The following LOXL2 variants were observed in gnomAD, a reference collection of about 807,000 sequenced individuals.
LOXL2 encodes lysyl oxidase homolog 2.
Under a neutral mutation model 93.0 loss-of-function variants are expected in LOXL2, and 70 were observed. The observed-to-expected ratio is 0.75, with a 90% CI of 0.62 to 0.92. The LOEUF (loss-of-function observed/expected upper bound fraction) is 0.92. Among genes scored for constraint, LOXL2 ranks in the 40% least tolerant of loss-of-function variants. The pLI is 0.00. For synonymous variants in LOXL2, 438 were observed against 413.2 expected, an observed-to-expected ratio of 1.06 and a Z score of -0.73; for missense variants, 973 against 1,054.9, an observed-to-expected ratio of 0.92 and a Z score of 1.08.
chr8:23,320,170 T>A lies in LOXL2; in HGVS notation c.1303-118A>T. The A allele has an allele frequency of 6.4e-6, 7 of 1,090,242 alleles. 1 individual carries two copies. Among genetic ancestry groups the A allele is most frequent in the South Asian group, 1.5e-5 (1 of 66,458 alleles). 67.5% of individuals were successfully genotyped at this position (1,090,242 alleles called of 1,614,324 possible). ...CCAGGTGGTGCTGCCCGGGACACAC[T>A]CAGATTCAGCAGCACCCTTGGGAGC... On this transcript the variant is annotated intron_variant, in intron 7 of 13. Coordinates refer to ENST00000389131, the MANE Select transcript of LOXL2 (RefSeq NM_002318.3).
chr8:23,345,112 A>G (rs1182069032), intron 3 of LOXL2, among the ~76,000 whole-genome samples: 1 of 152,230 alleles, frequency 6.6e-6, no homozygotes, highest in African/African-American at 2.4e-5. Context: ...AAGATGGCTC[A>G]TGGTCCACCT....
intron 1 of LOXL2, among the ~76,000 whole-genome samples, chr8:23,381,824 CCTCT>C (rs1294341361): frequency 1.3e-5 from 2 of 152,210 alleles, no homozygotes; most frequent in African/African-American, 4.8e-5. Flanking sequence ...AATGTTGTCC[CCTCT>C]CTCTGCTTAC....
chr8:23,319,771 C>G (rs567115152), intron 8 of LOXL2, 114 bp downstream of exon 8: 2 of 1,206,522 alleles, frequency 1.7e-6, no homozygotes, highest in Non-Finnish European at 2.3e-6. Flanking sequence ...GGGCAACTTG[C>G]TCTGTCCTGC....
At chr8:23,377,657 CTCT>C (rs1804615034) in intron 1 of LOXL2, among the ~76,000 whole-genome samples, 1 of 152,184 alleles carries the variant, frequency 6.6e-6, no homozygotes, top group African/African-American at 2.4e-5. Context: ...AGATAGTTAG[CTCT>C]TCTTGTTGAA....
chr8:23,303,233 G>A (rs1450887619), intron 11 of LOXL2, 49 bp downstream of exon 11: 3 of 1,128,718 alleles, frequency 2.7e-6, no homozygotes, highest in Admixed American at 1.7e-5. Context: ...GGAGGCAGAG[G>A]CATTCGAGTC....
chr8:23,355,050 C>T (rs145033133), intron 3 of LOXL2, among the ~76,000 whole-genome samples: 5,124 of 148,664 alleles, frequency 0.034, 182 homozygotes, highest in East Asian at 0.11. Context: ...CCTCCCTCTC[C>T]CGGGTTCAAC....
intron 1 of LOXL2, among the ~76,000 whole-genome samples, chr8:23,394,615 G>C (rs1299019047): frequency 6.6e-6 from 1 of 152,102 alleles, no homozygotes; most frequent in East Asian, 1.9e-4. Flanking sequence ...TGTCCCCAAA[G>C]ATGTGGAGAA....
intron 5 of LOXL2, among the ~76,000 whole-genome samples, chr8:23,332,167 C>T (rs1258828797): frequency 6.7e-6 from 1 of 149,294 alleles, no homozygotes; most frequent in Non-Finnish European, 1.5e-5. Flanking sequence ...CACACACACT[C>T]ACACTCTCTC....
At chr8:23,378,765 T>C (rs1804630355) in intron 1 of LOXL2, among the ~76,000 whole-genome samples, 1 of 152,250 alleles carries the variant, frequency 6.6e-6, no homozygotes, top group African/African-American at 2.4e-5. Context: ...GTCACGTAGT[T>C]CTCGTGCCAT....
At chr8:23,344,278 G>A (rs907345961) in intron 3 of LOXL2, among the ~76,000 whole-genome samples, 1 of 152,230 alleles carries the variant, frequency 6.6e-6, no homozygotes, top group Non-Finnish European at 1.5e-5. Context: ...CTGGAGAAGA[G>A]AAAGGGCTAG....
Position 23,298,580 on chromosome 8 carries a change from C to T in LOXL2, c.2245+256G>A, listed in dbSNP as rs568570656. 1.1e-3 allele frequency among the ~76,000 whole-genome samples: 168 copies of T among 152,356 alleles called. 1 individual carries two copies. Among genetic ancestry groups the T allele is most frequent in the Non-Finnish European group, 2.3e-3 (157 of 68,034 alleles). ...ACATAATGAGCCAGTGGCCTCAGCT[C>T]CAACCCTTAAAAAGCCTTGGGGTCT... is the stretch of plus-strand genomic sequence containing the variant. On this transcript the variant is annotated intron_variant, in intron 13 of 13. Transcript: ENST00000389131.
At chr8:23,306,383 G>A (rs1249715676) in intron 10 of LOXL2, among the ~76,000 whole-genome samples, 2 of 152,336 alleles carry the variant, frequency 1.3e-5, no homozygotes, top group South Asian at 4.1e-4. Flanking sequence ...CACGGTGGGG[G>A]CAACACTCCT....
chr8:23,324,730 C>T (rs1189221073), intron 6 of LOXL2, among the ~76,000 whole-genome samples: 2 of 152,146 alleles, frequency 1.3e-5, no homozygotes, highest in Admixed American at 6.5e-5. Flanking sequence ...GGAAAAGCCG[C>T]GTCTAACATC....
At chr8:23,349,002 AC>A (rs1194362415) in intron 3 of LOXL2, among the ~76,000 whole-genome samples, 3 of 132,436 alleles carry the variant, frequency 2.3e-5, no homozygotes, top group African/African-American at 1.1e-4. Flanking sequence ...GATGCCCTCA[AC>A]TCTTCCTCTT....
intron 3 of LOXL2, among the ~76,000 whole-genome samples, chr8:23,357,698 G>C (rs972895082): frequency 6.6e-6 from 1 of 151,720 alleles, no homozygotes; most frequent in Non-Finnish European, 1.5e-5. Flanking sequence ...TGCCAAGAAG[G>C]CTGGGTCTTC....
chr8:23,378,489 C>G (rs1286590312), intron 1 of LOXL2, among the ~76,000 whole-genome samples: 2 of 152,100 alleles, frequency 1.3e-5, no homozygotes, highest in Non-Finnish European at 2.9e-5. Context: ...GTTGGCCTGC[C>G]CTGCTAGGTT....
chr8:23,333,502 C>T lies in LOXL2; in HGVS notation c.865G>A (p.Val289Ile), dbSNP rs780907874. ...PQVSLDPMKNVTCENGLPAVV... is the reference protein window; with the variant it reads ...PQVSLDPMKNITCENGLPAVV... ...GCCGGTAGCCCATTCTCGCAGGTGA[C>T]ATTCTTCATGGGGTCCAGTGACACC... Residue 289 changes from valine to isoleucine, a missense_variant, in exon 5 of 14, where the codon GTC becomes ATC. Transcript: ENST00000389131. 6 of 1,614,046 alleles carry T rather than the reference C, an allele frequency of 3.7e-6. No individual in the cohort carries two copies. The East Asian group carries it at 1.3e-4, about 36-fold the overall frequency.
In LOXL2 at chr8:23,371,751, C is replaced by CAAAAA. The variant is rs55780832; in HGVS notation, c.-83-3322_-83-3318dup. Among the ~76,000 whole-genome samples the CAAAAA allele has an allele frequency of 4.3e-4, 19 of 43,898 alleles. 2 individuals are homozygous for CAAAAA. Among genetic ancestry groups the CAAAAA allele is most frequent in the African/African-American group, 1.1e-3 (10 of 9,004 alleles). The allele number at this position is 43,898 out of a possible 152,430, so 28.8% of individuals were successfully genotyped here. On this transcript the variant is annotated intron_variant, in intron 1 of 13. Coordinates refer to ENST00000389131, the MANE Select transcript of LOXL2 (RefSeq NM_002318.3). ...TGGGCGAAAGAGTGAGAGTCTGTCT[C>CAAAAA]AAAAAAAAAAAAAAAAAAAAAAAAA...
chr8:23,383,112 G>C (rs1804703279), intron 1 of LOXL2, among the ~76,000 whole-genome samples: 1 of 152,086 alleles, frequency 6.6e-6, no homozygotes, highest in Non-Finnish European at 1.5e-5. Flanking sequence ...AGTAGAGTGG[G>C]ACCTGTGGCC....
Sources: gnomAD v4.1 joint callset for allele counts (sites outside exome capture counted in the v4.1 genomes callset) on GRCh38, gnomAD v4.1.1 for gene constraint, MANE v1.5 for transcripts, NCBI Gene and HGNC (gene_info 2026-07-23, HGNC 2026-07-21) for gene names.